The following PIAS1 variants were observed in gnomAD, a reference collection of about 807,000 sequenced individuals.
PIAS1 encodes protein inhibitor of activated STAT 1, also known as E3 SUMO-protein ligase PIAS1.
A neutral mutation model predicts 71.3 loss-of-function variants in PIAS1; 6 were observed. That is an observed-to-expected ratio of 0.08 (90% CI 0.05 to 0.17). PIAS1 has a LOEUF of 0.17. Ranked by LOEUF, PIAS1 falls within the 10% of genes least tolerant of loss-of-function variation. The pLI, the probability that PIAS1 is intolerant of heterozygous loss-of-function variation, is 1.00. For synonymous variants in PIAS1, 303 were observed against 292.9 expected (o/e 1.03, Z -0.35); for missense variants, 555 against 793.6 (o/e 0.70, Z 3.61).
intron 7 of PIAS1, among the ~76,000 whole-genome samples, chr15:68,161,432 T>G (rs2092923498): frequency 6.6e-6 from 1 of 151,828 alleles, no homozygotes; most frequent in Non-Finnish European, 1.5e-5. Context: ...AAAAAATATC[T>G]TTACAAGAAT....
intron 7 of PIAS1, among the ~76,000 whole-genome samples, chr15:68,157,902 C>T (rs1165277462): frequency 6.6e-6 from 1 of 152,168 alleles, no homozygotes; most frequent in Non-Finnish European, 1.5e-5. Context: ...GTCAAACTTA[C>T]TCCCTAAATA....
intron 2 of PIAS1, among the ~76,000 whole-genome samples, chr15:68,137,813 A>G (rs1567059400): frequency 6.6e-6 from 1 of 152,198 alleles, no homozygotes; most frequent in Non-Finnish European, 1.5e-5. Flanking sequence ...AGAATATATC[A>G]ATCAACTTAG....
At position 68,102,394 on chromosome 15, in the gene PIAS1, G is replaced by A. The variant is rs72759528; in HGVS notation, c.469+15644G>A. 5.7e-3 allele frequency among the ~76,000 whole-genome samples: 873 copies of A among 152,310 alleles called. 4 individuals are homozygous for A. Among genetic ancestry groups the A allele is most frequent in the Non-Finnish European group, 9.5e-3 (647 of 68,024 alleles). ...GTAATAAGTCATAAAATTAGGTAGA[G>A]TAATTGCTTTTACTTTGTTTAAATA... On this transcript the variant is annotated intron_variant, in intron 2 of 13. Coordinates refer to ENST00000249636, the MANE Select transcript of PIAS1 (RefSeq NM_016166.3).
Position 68,187,838 on chromosome 15 carries a change from C to G in PIAS1, c.*3C>G, listed in dbSNP as rs1478239888. The G allele has an allele frequency of 1.9e-6, 3 of 1,609,994 alleles. No homozygotes were observed. The highest frequency in any genetic ancestry group is 2.7e-5 in the African/African-American group (2 of 74,966). On this transcript the variant is annotated 3_prime_UTR_variant, in exon 14 of 14. Transcript: ENST00000249636. The surrounding 1 kb of genome is among the most constrained non-coding windows in gnomAD (Gnocchi z 5.3). ...CAGACATTATTTCATTGGACTGATT[C>G]CCAGGCCCTGCTGCTCCCATCCCCA...
intron 11 of PIAS1, among the ~76,000 whole-genome samples, chr15:68,179,010 C>G (rs1237379772): frequency 6.6e-6 from 1 of 152,170 alleles, no homozygotes; most frequent in East Asian, 1.9e-4. Flanking sequence ...ACATTTCTCT[C>G]TCTATTTGCA....
rs533305156 is a variant in PIAS1 at position 68,060,470 on chromosome 15, G to A, written c.24+6120G>A. On this transcript the variant is annotated intron_variant, in intron 1 of 13. Transcript: ENST00000249636. ...TCTACTAAAAATACAAAAATTAGCC[G>A]GGCGTGGTGGTGCGCACCTGTAATC... 9.0e-4 allele frequency among the ~76,000 whole-genome samples: 136 copies of A among 151,928 alleles called. 1 individual carries two copies. Among genetic ancestry groups the A allele is most frequent in the African/African-American group, 3.0e-3 (125 of 41,444 alleles).
Position 68,187,897 on chromosome 15 carries a change from A to G in PIAS1, c.*62A>G. The stretch of plus-strand genomic sequence containing the variant: ...CGAATGAACTTGGCAGAAAGAAGAG[A>G]ACTTTGTGCTCTGTTTTACCTTACT... On this transcript the variant is annotated 3_prime_UTR_variant, in exon 14 of 14. Coordinates refer to ENST00000249636, the MANE Select transcript of PIAS1 (RefSeq NM_016166.3). This position sits in a 1 kb window ranked among gnomAD's most constrained non-coding sequence, Gnocchi z 5.3. 1 of 1,458,448 alleles carries G rather than the reference A, an allele frequency of 6.9e-7. No individual in the cohort carries two copies. The highest frequency in any genetic ancestry group is 9.4e-7 in the Non-Finnish European group (1 of 1,058,648). 90.3% of individuals were successfully genotyped at this position (1,458,448 alleles called of 1,614,324 possible).
chr15:68,075,043 T>A (rs549504003), intron 1 of PIAS1, among the ~76,000 whole-genome samples: 19 of 151,550 alleles, frequency 1.3e-4, no homozygotes, highest in African/African-American at 4.1e-4. Flanking sequence ...AATGGAATTT[T>A]TGAAAGAAAA....
intron 2 of PIAS1, among the ~76,000 whole-genome samples, chr15:68,122,547 G>T (rs1250428428): frequency 1.3e-5 from 2 of 152,122 alleles, no homozygotes; most frequent in Non-Finnish European, 2.9e-5. Flanking sequence ...GTAAGTTGCT[G>T]CTAGGAAATA....
rs149601221 is a variant in PIAS1, at chr15:68,118,815, T to A, written c.470-23131T>A. ...ATCTAAATTCAAAGTGAATTAGAGA[T>A]TTAAATGTAAGATCGGAAACTATGA... On this transcript the variant is annotated intron_variant, in intron 2 of 13. Transcript: ENST00000249636. 3.0e-4 allele frequency among the ~76,000 whole-genome samples: 45 copies of A among 152,244 alleles called. 2 individuals carry two copies. The East Asian group carries it at 3.3e-3, about 11-fold the overall frequency.
In PIAS1 at chr15:68,171,875, C is replaced by A. The variant is rs1342942655; in HGVS notation, c.1009-1857C>A. Reference sequence around the variant, plus strand: ...ATCTTTTCCTCATTTAACTCATATTCTTTTCAAGCCTTTATATTTTTCTTT... The same window carrying A: ...ATCTTTTCCTCATTTAACTCATATTATTTTCAAGCCTTTATATTTTTCTTT... On this transcript the variant is annotated intron_variant, in intron 8 of 13. Transcript: ENST00000249636. The surrounding 1 kb of genome is among the most constrained non-coding windows in gnomAD (Gnocchi z 4.4). 6.6e-6 allele frequency among the ~76,000 whole-genome samples: 1 copy of A among 151,572 alleles called. No individual in the cohort carries two copies. The highest frequency in any genetic ancestry group is 1.5e-5 in the Non-Finnish European group (1 of 67,878).
chr15:68,159,824 C>T (rs769593277), intron 7 of PIAS1, among the ~76,000 whole-genome samples: 223 of 152,180 alleles, frequency 1.5e-3, no homozygotes, highest in Admixed American at 6.7e-3. Context: ...CATATGTTTT[C>T]ATTTCTCTTG....
Position 68,187,550 on chromosome 15 carries a change from C to T in PIAS1, c.1671C>T (p.Asn557=), listed in dbSNP as rs374173628. 2.1e-5 allele frequency: 34 copies of T among 1,613,116 alleles called. No homozygotes were observed. Among genetic ancestry groups the T allele is most frequent in the Non-Finnish European group, 2.7e-5 (32 of 1,179,244 alleles). The stretch of plus-strand genomic sequence containing the variant: ...TTGTTTCCCCTCCCTAGCATTACAA[C>T]ACCTCCTTGCTTGCCGCTGCAGCAG... ...PFLSGDNQHY[N]TSLLAAAAAA... Residue 557 remains asparagine (N), a synonymous_variant, in exon 14 of 14, where the codon AAC becomes AAT. Transcript: ENST00000249636. The surrounding 1 kb of genome is among the most constrained non-coding windows in gnomAD (Gnocchi z 5.3).
At chr15:68,072,549 C>T (rs2092110461) in intron 1 of PIAS1, among the ~76,000 whole-genome samples, 1 of 150,550 alleles carries the variant, frequency 6.6e-6, no homozygotes, top group African/African-American at 2.4e-5. Context: ...AGAACATTAA[C>T]TAGGAAACCT....
intron 11 of PIAS1, among the ~76,000 whole-genome samples, chr15:68,179,238 C>G (rs1398951447): frequency 6.6e-6 from 1 of 152,186 alleles, no homozygotes; most frequent in Non-Finnish European, 1.5e-5. Context: ...GAGGCAAACA[C>G]TAAATGTAAA....
intron 4 of PIAS1, 85 bp from the exon 5 acceptor site, chr15:68,145,731 C>T (rs957744533): frequency 1.4e-4 from 107 of 759,442 alleles, no homozygotes; most frequent in Middle Eastern, 3.5e-4. Flanking sequence ...TTAAATTTAC[C>T]ATCTTTTAAA....
rs1187141194 is a variant in PIAS1 at position 68,176,716 on chromosome 15, T to A, written c.1481+62T>A. The A allele has an allele frequency of 3.6e-6, 4 of 1,100,692 alleles. No homozygotes were observed. The African/African-American group carries it at 4.8e-5, about 13-fold the overall frequency. The allele number at this position is 1,100,692 out of a possible 1,614,324, so 68.2% of individuals were successfully genotyped here. A position where few individuals can be genotyped will look rare whatever the true frequency, so the allele number is the denominator to read the frequency against. On this transcript the variant is annotated intron_variant, in intron 11 of 13. Transcript: ENST00000249636. ...GAAAATTAACTTGGCAAATAGGGATTAAAGACTTGCCAAATAAAATGATTC... is the reference window on the plus strand; with the variant it reads ...GAAAATTAACTTGGCAAATAGGGATAAAAGACTTGCCAAATAAAATGATTC...
chr15:68,160,513 A>G (rs2092917752), intron 7 of PIAS1, among the ~76,000 whole-genome samples: 1 of 152,178 alleles, frequency 6.6e-6, no homozygotes, highest in Non-Finnish European at 1.5e-5. Context: ...GTAGCTTGAT[A>G]GTAAGTCTTG....
chr15:68,084,760 T>C (rs2092263869), intron 1 of PIAS1, among the ~76,000 whole-genome samples: 1 of 152,198 alleles, frequency 6.6e-6, no homozygotes. Flanking sequence ...AATATGGTTG[T>C]GTACCATGGA....
Sources: allele counts gnomAD v4.1 joint callset (sites outside exome capture counted in the v4.1 genomes callset), GRCh38; gene constraint gnomAD v4.1.1; non-coding constraint Gnocchi (gnomAD v3.1); transcripts MANE v1.5; gene names NCBI Gene and HGNC (gene_info 2026-07-23, HGNC 2026-07-21).